RPS6KA2: variants seen among roughly 807,000 people sequenced by gnomAD.
RPS6KA2 encodes the protein ribosomal protein S6 kinase alpha-2.
A neutral mutation model predicts 91.8 loss-of-function variants in RPS6KA2; 42 were observed. The ratio of observed to expected loss-of-function variants is 0.46; its 90% confidence interval spans 0.36 to 0.59. The LOEUF (loss-of-function observed/expected upper bound fraction) is 0.59. RPS6KA2 is among the 20% of genes least tolerant of loss of function. The pLI is 0.00. For missense variants in RPS6KA2, 798 were observed against 978.5 expected (o/e 0.82, Z 2.46); for synonymous variants, 414 against 393.6 (o/e 1.05, Z -0.61).
chr6:166,492,836 C>T (rs1466240019), intron 8 of RPS6KA2, among the ~76,000 whole-genome samples: 1 of 151,724 alleles, frequency 6.6e-6, no homozygotes, highest in Non-Finnish European at 1.5e-5. Flanking sequence ...CTGTCTCCAC[C>T]TCCCGAGTAG....
chr6:166,506,281 T>C (rs1894659), intron 5 of RPS6KA2, among the ~76,000 whole-genome samples: 3,953 of 152,258 alleles, frequency 0.026, 70 homozygotes, highest in South Asian at 0.088. Flanking sequence ...ATGAAGGCCC[T>C]CGGGGGAGGC....
chr6:166,451,026 G>A (rs1779893906), intron 13 of RPS6KA2, 77 bp downstream of exon 13: 3 of 1,575,010 alleles, frequency 1.9e-6, no homozygotes, highest in East Asian at 2.3e-5. Context: ...GGGTGACTGA[G>A]GCCACAGGGA....
At chr6:166,436,116 G>A (rs1003799273) in intron 14 of RPS6KA2, among the ~76,000 whole-genome samples, 4 of 152,180 alleles carry the variant, frequency 2.6e-5, no homozygotes, top group African/African-American at 9.7e-5. Context: ...GTACAAGTGA[G>A]TTATTCCTAT....
chr6:166,610,924 A>G (rs1029712978), intron 1 of RPS6KA2, among the ~76,000 whole-genome samples: 6 of 152,222 alleles, frequency 3.9e-5, no homozygotes, highest in Non-Finnish European at 5.9e-5. Context: ...TCTTTAAATT[A>G]CTATCTGCAT....
intron 2 of RPS6KA2, among the ~76,000 whole-genome samples, chr6:166,717,605 G>A (rs1207721496): frequency 1.3e-5 from 2 of 152,198 alleles, no homozygotes; most frequent in South Asian, 4.1e-4. Context: ...GGAGCAGCGT[G>A]GGGTTGGAAG....
At chr6:166,856,035 C>CA (rs1780892102) in intron 2 of RPS6KA2, among the ~76,000 whole-genome samples, 1 of 152,102 alleles carries the variant, frequency 6.6e-6, no homozygotes, top group African/African-American at 2.4e-5. Context: ...AGATTTCCAC[C>CA]AAAAATGTAG....
At chr6:166,478,726 G>GC (rs2128468728) in intron 10 of RPS6KA2, among the ~76,000 whole-genome samples, 1 of 152,310 alleles carries the variant, frequency 6.6e-6, no homozygotes, top group African/African-American at 2.4e-5. Flanking sequence ...AAGCAATGAG[G>GC]CCGGGGGGTT....
chr6:166,666,701 A>C lies in RPS6KA2; in HGVS notation c.124-127917T>G, dbSNP rs1013336064. Reference sequence around the variant, plus strand: ...AAACGGTGCAGGAGCTCTGGAAAACAGTATGGCCATTCCTCAGAAAGTTAC... The same window carrying C: ...AAACGGTGCAGGAGCTCTGGAAAACCGTATGGCCATTCCTCAGAAAGTTAC... On this transcript the variant is annotated intron_variant, in intron 2 of 21. Transcript: ENST00000503859. This position sits in a 1 kb window ranked among gnomAD's most constrained non-coding sequence, Gnocchi z 4.0. Among the ~76,000 whole-genome samples the C allele has an allele frequency of 1.3e-5, 2 of 152,262 alleles. No homozygotes were observed. Among genetic ancestry groups the C allele is most frequent in the African/African-American group, 2.4e-5 (1 of 41,472 alleles).
At chr6:166,647,836 TCA>T (rs915875824) in intron 2 of RPS6KA2, among the ~76,000 whole-genome samples, 13 of 84,876 alleles carry the variant, frequency 1.5e-4, no homozygotes, top group South Asian at 1.2e-3. Context: ...ATGCACATGC[TCA>T]CACACGCACA....
chr6:166,519,501 G>A lies in RPS6KA2; in HGVS notation c.299-9144C>T, dbSNP rs575992250. Reference sequence around the variant, plus strand: ...TTCGGGTTTGGATGATGTAGTTTCCGTGGTTTACTTTGCTCTGTTCAGCAA... The same window carrying A: ...TTCGGGTTTGGATGATGTAGTTTCCATGGTTTACTTTGCTCTGTTCAGCAA... On this transcript the variant is annotated intron_variant, in intron 3 of 20. Coordinates refer to ENST00000265678, the MANE Select transcript of RPS6KA2 (RefSeq NM_021135.6). 1.1e-3 allele frequency among the ~76,000 whole-genome samples: 171 copies of A among 152,148 alleles called. 1 individual carries two copies. The highest frequency in any genetic ancestry group is 2.3e-3 in the Admixed American group (35 of 15,280).
At chr6:166,848,634 T>C (rs1780662845) in intron 2 of RPS6KA2, among the ~76,000 whole-genome samples, 1 of 152,204 alleles carries the variant, frequency 6.6e-6, no homozygotes, top group Non-Finnish European at 1.5e-5. Context: ...CCATTATTCT[T>C]AGTGAAGTAA....
intron 2 of RPS6KA2, among the ~76,000 whole-genome samples, chr6:166,848,981 T>A (rs1226233626): frequency 6.6e-6 from 1 of 152,112 alleles, no homozygotes; most frequent in Non-Finnish European, 1.5e-5. Context: ...TGCTTAGAAG[T>A]CCCAAAAGGC....
At chr6:166,693,502 A>G (rs779993138) in intron 2 of RPS6KA2, among the ~76,000 whole-genome samples, 1 of 152,218 alleles carries the variant, frequency 6.6e-6, no homozygotes, top group Non-Finnish European at 1.5e-5. Context: ...AAGCCCCAGG[A>G]GGACTCCCTG....
At chr6:166,462,929 C>T (rs1780374867) in intron 11 of RPS6KA2, 1 of 152,332 alleles carries the variant, frequency 6.6e-6, no homozygotes, top group African/African-American at 2.4e-5. Flanking sequence ...GTCCGTGTGC[C>T]AACCGCAGCT....
chr6:166,775,244 A>G (rs55744941), intron 2 of RPS6KA2, among the ~76,000 whole-genome samples: 19,982 of 150,888 alleles, frequency 0.13, 1,414 homozygotes, highest in African/African-American at 0.17. Flanking sequence ...ATACACACTC[A>G]TTGAAAGCCC....
At chr6:166,527,704 G>C (rs1783110598) in intron 3 of RPS6KA2, among the ~76,000 whole-genome samples, 1 of 152,082 alleles carries the variant, frequency 6.6e-6, no homozygotes, top group South Asian at 2.1e-4. Context: ...TCTGCACTCA[G>C]TTCCCACCTC....
At chr6:166,759,559 C>T (rs1394223914) in intron 2 of RPS6KA2, among the ~76,000 whole-genome samples, 1 of 152,226 alleles carries the variant, frequency 6.6e-6, no homozygotes, top group East Asian at 1.9e-4. Context: ...ATGTGAGTCT[C>T]AGCACTGCTG....
At chr6:166,809,698 G>A (rs537159077) in intron 2 of RPS6KA2, among the ~76,000 whole-genome samples, 1 of 152,248 alleles carries the variant, frequency 6.6e-6, no homozygotes, top group Non-Finnish European at 1.5e-5. Context: ...CAGGGACTAA[G>A]GCAGGCACAG....
chr6:166,604,536 C>A (rs989208049), intron 1 of RPS6KA2, among the ~76,000 whole-genome samples: 6 of 152,250 alleles, frequency 3.9e-5, no homozygotes, highest in African/African-American at 1.2e-4. Flanking sequence ...CGGGCGGGGC[C>A]ATCCCCAGCT....
Sources: gnomAD v4.1 joint callset for allele counts (sites outside exome capture counted in the v4.1 genomes callset) on GRCh38, gnomAD v4.1.1 for gene constraint, Gnocchi (gnomAD v3.1) non-coding constraint, MANE v1.5 for transcripts, NCBI Gene and HGNC (gene_info 2026-07-23, HGNC 2026-07-21) for gene names.